The following SLC4A7 variants were observed in gnomAD, a reference collection of about 807,000 sequenced individuals.
SLC4A7 encodes the protein solute carrier family 4 member 7.
SLC4A7 carries 51 observed loss-of-function variants against 137.6 expected under a neutral mutation model. The observed-to-expected ratio is 0.37, with a 90% CI of 0.30 to 0.47. The LOEUF is 0.47. Ranked by LOEUF, SLC4A7 falls within the 20% of genes least tolerant of loss-of-function variation. The pLI is 1.00. For synonymous variants in SLC4A7, 542 were observed against 518.6 expected (o/e 1.05, Z -0.61); for missense variants, 1,247 against 1,525.4 (o/e 0.82, Z 3.04).
chr3:27,474,594 C>G (rs2059390071), intron 1 of SLC4A7, among the ~76,000 whole-genome samples: 1 of 151,736 alleles, frequency 6.6e-6, no homozygotes, highest in East Asian at 2.0e-4. Context: ...ACCTGTAATC[C>G]CATCTACTCG....
At chr3:27,414,779 TGTG>T (rs1207957072) in intron 11 of SLC4A7, among the ~76,000 whole-genome samples, 3 of 152,344 alleles carry the variant, frequency 2.0e-5, no homozygotes, top group African/African-American at 7.2e-5. Flanking sequence ...ACTCCTCTGA[TGTG>T]GTGTTTACTA....
chr3:27,406,086 T>C (rs764126802), intron 13 of SLC4A7, among the ~76,000 whole-genome samples: 2 of 152,120 alleles, frequency 1.3e-5, no homozygotes, highest in Non-Finnish European at 2.9e-5. Context: ...TAAGAAACAA[T>C]CCTGCTGAAA....
At chr3:27,430,301 GCACA>G (rs35445003) in intron 7 of SLC4A7, among the ~76,000 whole-genome samples, 3 of 149,116 alleles carry the variant, frequency 2.0e-5, no homozygotes, top group Non-Finnish European at 3.0e-5. Context: ...TGAACTGCAT[GCACA>G]CACACACACA....
At chr3:27,426,955 T>C (rs559239963) in intron 7 of SLC4A7, among the ~76,000 whole-genome samples, 2 of 152,306 alleles carry the variant, frequency 1.3e-5, no homozygotes, top group South Asian at 2.1e-4. Context: ...GAAAAAAATA[T>C]ATGTATAAGG....
At chr3:27,404,795 A>T in intron 14 of SLC4A7, 35 bp downstream of exon 14, 1 of 1,491,544 alleles carries the variant, frequency 6.7e-7, no homozygotes, top group South Asian at 1.3e-5. Context: ...TTTCATATAT[A>T]ACACATGTGA....
At chr3:27,463,905 T>A (rs2058835347) in intron 1 of SLC4A7, among the ~76,000 whole-genome samples, 2 of 152,218 alleles carry the variant, frequency 1.3e-5, no homozygotes, top group Admixed American at 1.3e-4. Flanking sequence ...ACCTGCCGTA[T>A]GACAAGAACC....
At chr3:27,454,003 AT>A (rs2058252813) in intron 1 of SLC4A7, among the ~76,000 whole-genome samples, 1 of 152,250 alleles carries the variant, frequency 6.6e-6, no homozygotes, top group Middle Eastern at 3.4e-3. Flanking sequence ...CCATGAGACA[AT>A]TTCATACAAT....
At chr3:27,397,571 C>T in intron 18 of SLC4A7, 113 bp downstream of exon 18, 1 of 642,210 alleles carries the variant, frequency 1.6e-6, no homozygotes, top group South Asian at 1.9e-5. Flanking sequence ...AAAGCATCAG[C>T]CCTTCAAAGA....
intron 3 of SLC4A7, among the ~76,000 whole-genome samples, chr3:27,442,760 G>A (rs971578536): frequency 9.2e-5 from 14 of 152,112 alleles, no homozygotes; most frequent in Non-Finnish European, 1.3e-4. Flanking sequence ...GAGGGGTTAC[G>A]AATTTATTGG....
At chr3:27,440,358 T>C (rs1177139389) in intron 3 of SLC4A7, among the ~76,000 whole-genome samples, 2 of 152,178 alleles carry the variant, frequency 1.3e-5, no homozygotes, top group Non-Finnish European at 2.9e-5. Flanking sequence ...TCTGATCGTC[T>C]GACCTCCTCT....
At chr3:27,452,375 A>T in intron 2 of SLC4A7, 42 bp downstream of exon 2, 1 of 1,277,238 alleles carries the variant, frequency 7.8e-7, no homozygotes. Flanking sequence ...TAATTAGTAA[A>T]TTATCCTACT....
At chr3:27,434,395 A>G (rs1479212172) in intron 5 of SLC4A7, among the ~76,000 whole-genome samples, 1 of 152,208 alleles carries the variant, frequency 6.6e-6, no homozygotes, top group Non-Finnish European at 1.5e-5. Flanking sequence ...AAATTCTATT[A>G]AGCTGAATAT....
Position 27,450,139 on chromosome 3 carries a change from C to T in SLC4A7, c.143-1342G>A, listed in dbSNP as rs7647145. On this transcript the variant is annotated intron_variant, in intron 2 of 25. Coordinates refer to ENST00000454389, the MANE Select transcript of SLC4A7 (RefSeq NM_001321103.2). The stretch of plus-strand genomic sequence containing the variant: ...CTTATTTCAGCTGCCAATATATTAA[C>T]CTCATAAATAATCACCTTTTAAATT... 3.3e-5 allele frequency among the ~76,000 whole-genome samples: 5 copies of T among 152,216 alleles called. No individual in the cohort carries two copies. The South Asian group carries it at 8.3e-4, about 25-fold the overall frequency.
rs2058130215 is a variant in SLC4A7 at position 27,452,350 on chromosome 3, GA to G, written c.142+66del. The G allele has an allele frequency of 3.9e-6, 4 of 1,037,682 alleles. No homozygotes were observed. In the East Asian group the frequency reaches 1.1e-4, roughly 28 times the overall value. The allele number at this position is 1,037,682 out of a possible 1,614,324, so 64.3% of individuals were successfully genotyped here. On this transcript the variant is annotated intron_variant, in intron 2 of 25. Coordinates refer to ENST00000454389, the MANE Select transcript of SLC4A7 (RefSeq NM_001321103.2). ...ACAAATACTAGGTAAAACTTAAAAG[GA>G]TACTTAAAAACATTAATTAGTAAAT...
At chr3:27,453,129 A>T (rs12639265) in intron 1 of SLC4A7, among the ~76,000 whole-genome samples, 53,722 of 152,122 alleles carry the variant, frequency 0.35, 9,984 homozygotes, top group East Asian at 0.74. Flanking sequence ...TTCAACAAAA[A>T]GACTAAACAT....
intron 1 of SLC4A7, among the ~76,000 whole-genome samples, chr3:27,466,871 T>G (rs58236108): frequency 0.055 from 8,367 of 151,964 alleles, 767 homozygotes; most frequent in African/African-American, 0.19. Context: ...AAAAAAAAAT[T>G]TTTTTAATTT....
At position 27,424,066 on chromosome 3, in the gene SLC4A7, T is replaced by C. The variant is rs772560780; in HGVS notation, c.1237A>G (p.Arg413Gly). ...CTGAAGTCAACAGTACTATTTTCTC[T>C]GCTTCCACCACTTCCATTACCTTTA... is the stretch of plus-strand genomic sequence containing the variant. ...EIKGNGSGGSRENSTVDFSKV... is the reference protein window; with the variant it reads ...EIKGNGSGGSGENSTVDFSKV... Residue 413 changes from arginine to glycine, a missense_variant, in exon 8 of 26, where the codon AGA (arginine) becomes GGA (glycine). Transcript: ENST00000454389. 2 of 1,606,018 alleles carry C rather than the reference T, an allele frequency of 1.2e-6. No homozygotes were observed. The highest frequency in any genetic ancestry group is 1.7e-6 in the Non-Finnish European group (2 of 1,173,134).
At chr3:27,400,938 T>A in intron 15 of SLC4A7, 69 bp from the exon 16 acceptor site, 1 of 860,586 alleles carries the variant, frequency 1.2e-6, no homozygotes, top group Non-Finnish European at 1.9e-6. Flanking sequence ...CTAAATCAAT[T>A]ATACAATGTG....
At chr3:27,419,736 G>A (rs777585785) in intron 10 of SLC4A7, among the ~76,000 whole-genome samples, 1 of 151,880 alleles carries the variant, frequency 6.6e-6, no homozygotes, top group Non-Finnish European at 1.5e-5. Flanking sequence ...AGAGTGTAGA[G>A]AAAAATACTA....
Sources: gnomAD v4.1 joint callset for allele counts (sites outside exome capture counted in the v4.1 genomes callset) on GRCh38, gnomAD v4.1.1 for gene constraint, MANE v1.5 for transcripts, NCBI Gene and HGNC (gene_info 2026-07-23, HGNC 2026-07-21) for gene names.